The following HECW2 variants were observed in gnomAD, a reference collection of about 807,000 sequenced individuals.
The protein encoded by HECW2 is HECT, C2 and WW domain containing E3 ubiquitin protein ligase 2.
HECW2 carries 61 observed loss-of-function variants against 175.2 expected under a neutral mutation model. The observed-to-expected ratio is 0.35, with a 90% CI of 0.28 to 0.43. HECW2 has a LOEUF of 0.43. Among genes scored for constraint, HECW2 ranks in the 20% least tolerant of loss-of-function variants. HECW2 has a pLI of 1.00. For synonymous variants in HECW2, 671 were observed against 731.0 expected (o/e 0.92, Z 1.32); for missense variants, 1,524 against 2,000.5 (o/e 0.76, Z 4.54).
intron 17 of HECW2, 33 bp downstream of exon 17, chr2:196,271,160 G>T: frequency 8.1e-7 from 1 of 1,238,978 alleles, no homozygotes; most frequent in Non-Finnish European, 1.2e-6. Context: ...TTGTGCTTAT[G>T]CAACTTGAAC....
intron 2 of HECW2, among the ~76,000 whole-genome samples, chr2:196,386,342 A>T: frequency 6.6e-6 from 1 of 152,176 alleles, no homozygotes; most frequent in Non-Finnish European, 1.5e-5. Context: ...CCTCATTCAG[A>T]AGGGGATGTT....
At chr2:196,504,844 CA>C (rs1281359694) in intron 1 of HECW2, among the ~76,000 whole-genome samples, 1 of 151,576 alleles carries the variant, frequency 6.6e-6, no homozygotes, top group East Asian at 1.9e-4. Flanking sequence ...TTACTCTTCA[CA>C]AAACTTTTAT....
chr2:196,517,370 C>G (rs1234222965), intron 1 of HECW2, among the ~76,000 whole-genome samples: 1 of 151,968 alleles, frequency 6.6e-6, no homozygotes, highest in Non-Finnish European at 1.5e-5. Context: ...AACTAAATTA[C>G]CATACAATAA....
At chr2:196,454,771 C>T (rs1437993774) in intron 1 of HECW2, among the ~76,000 whole-genome samples, 1 of 152,168 alleles carries the variant, frequency 6.6e-6, no homozygotes, top group Non-Finnish European at 1.5e-5. Flanking sequence ...AATCTCAGCT[C>T]TGCCATGCTC....
intron 23 of HECW2, 93 bp downstream of exon 23, chr2:196,225,679 C>T: frequency 1.3e-6 from 1 of 760,074 alleles, no homozygotes; most frequent in South Asian, 1.5e-5. Flanking sequence ...AGATTGTGAA[C>T]AGATAAACAA....
chr2:196,289,302 GA>G (rs1233141650), intron 14 of HECW2: 4 of 142,600 alleles, frequency 2.8e-5, no homozygotes, highest in Non-Finnish European at 6.3e-5. Flanking sequence ...ATCACTGTGG[GA>G]AAATAACTTC....
intron 17 of HECW2, among the ~76,000 whole-genome samples, chr2:196,270,314 A>G (rs1689680257): frequency 6.6e-6 from 1 of 152,224 alleles, no homozygotes; most frequent in Admixed American, 6.5e-5. Flanking sequence ...CTTGCTTCCC[A>G]AACTTAGAAG....
chr2:196,344,449 G>A lies in HECW2; in HGVS notation c.293-685C>T, dbSNP rs561062874. Among the ~76,000 whole-genome samples, 9 of 150,998 alleles carry A rather than the reference G, an allele frequency of 6.0e-5. No homozygotes were observed. In the South Asian group the frequency reaches 1.3e-3, roughly 21 times the overall value. ...AAGCTTTCTGACCTCATGGCACAAA[G>A]AAAGTGGTAGTATTTGTATGGCAAC... is the stretch of plus-strand genomic sequence containing the variant. On this transcript the variant is annotated intron_variant, in intron 2 of 28. Transcript: ENST00000644978.
chr2:196,351,234 C>T (rs1364684123), intron 2 of HECW2, among the ~76,000 whole-genome samples: 3 of 151,458 alleles, frequency 2.0e-5, no homozygotes, highest in Non-Finnish European at 4.4e-5. Context: ...AACAGAAAAA[C>T]TTTAAATTTT....
rs1425131278 is a variant in HECW2, at chr2:196,380,708, A to G, written c.293-36944T>C. ...AGGTTTTTGGGGAAGCTCCAAACCCATTCTGCTGCCGTTAGTGGCTCGTAA... is the reference window on the plus strand; with the variant it reads ...AGGTTTTTGGGGAAGCTCCAAACCCGTTCTGCTGCCGTTAGTGGCTCGTAA... On this transcript the variant is annotated intron_variant, in intron 2 of 28. Coordinates refer to ENST00000644978, the MANE Select transcript of HECW2 (RefSeq NM_001348768.2). Among the ~76,000 whole-genome samples, 3 of 152,130 alleles carry G rather than the reference A, an allele frequency of 2.0e-5. No individual in the cohort carries two copies. The East Asian group carries it at 5.8e-4, about 29-fold the overall frequency.
intron 1 of HECW2, among the ~76,000 whole-genome samples, chr2:196,588,139 T>C (rs1055701756): frequency 1.3e-5 from 2 of 152,208 alleles, no homozygotes; most frequent in African/African-American, 2.4e-5. Context: ...GCATCATATA[T>C]AATTTAGTTA....
intron 1 of HECW2, among the ~76,000 whole-genome samples, chr2:196,488,144 T>C (rs1687068938): frequency 6.6e-6 from 1 of 152,220 alleles, no homozygotes; most frequent in African/African-American, 2.4e-5. Flanking sequence ...TCTACAAGCA[T>C]AGAAGTCAGC....
intron 17 of HECW2, among the ~76,000 whole-genome samples, chr2:196,259,223 C>T (rs932801537): frequency 7.2e-5 from 11 of 152,222 alleles, no homozygotes; most frequent in African/African-American, 2.7e-4. Context: ...AGCTGCCTGC[C>T]TTGGCCTCTC....
intron 19 of HECW2, among the ~76,000 whole-genome samples, chr2:196,250,040 A>C (rs1333771075): frequency 6.6e-6 from 1 of 152,248 alleles, no homozygotes; most frequent in Admixed American, 6.5e-5. Flanking sequence ...ACAGTCTTGA[A>C]GAATGTGTGC....
At chr2:196,512,642 C>T (rs1045387166) in intron 1 of HECW2, among the ~76,000 whole-genome samples, 2 of 151,330 alleles carry the variant, frequency 1.3e-5, no homozygotes, top group Non-Finnish European at 3.0e-5. Context: ...CTACCGCAAC[C>T]TCTCAAAGTG....
At chr2:196,245,312 C>A (rs1688606783) in intron 19 of HECW2, among the ~76,000 whole-genome samples, 2 of 152,194 alleles carry the variant, frequency 1.3e-5, no homozygotes, top group African/African-American at 2.4e-5. Flanking sequence ...CATCACACAC[C>A]ACTTTGCAAC....
chr2:196,282,516 G>C (rs1341776423), intron 14 of HECW2, among the ~76,000 whole-genome samples: 6 of 152,082 alleles, frequency 3.9e-5, no homozygotes, highest in Admixed American at 3.3e-4. Context: ...ATATATGTTA[G>C]TTCAGTCTGG....
intron 1 of HECW2, among the ~76,000 whole-genome samples, chr2:196,469,120 C>CGTGTGTGTGTGTGT (rs33984882): frequency 4.1e-5 from 6 of 144,828 alleles, no homozygotes; most frequent in African/African-American, 1.5e-4. Flanking sequence ...TGTGTGTGTG[C>CGTGTGTGTGTGTGT]GTGTGTGTGT....
intron 14 of HECW2, among the ~76,000 whole-genome samples, chr2:196,287,080 C>T (rs1201694427): frequency 1.3e-5 from 2 of 152,198 alleles, no homozygotes; most frequent in East Asian, 1.9e-4. Flanking sequence ...GTGGTACTTT[C>T]TACCCTACAA....
Sources: gnomAD v4.1 joint callset for allele counts (sites outside exome capture counted in the v4.1 genomes callset) on GRCh38, gnomAD v4.1.1 for gene constraint, MANE v1.5 for transcripts, NCBI Gene and HGNC (gene_info 2026-07-23, HGNC 2026-07-21) for gene names.